Variants in SLC35F1 observed in about 807,000 individuals in gnomAD.
SLC35F1 encodes the protein solute carrier family 35 member F1.
SLC35F1 carries 14 observed loss-of-function variants against 48.7 expected under a neutral mutation model. That is an observed-to-expected ratio of 0.29 (90% confidence interval 0.19 to 0.45). SLC35F1 has a LOEUF of 0.45. Among genes scored for constraint, SLC35F1 ranks in the 20% least tolerant of loss-of-function variants. The pLI, the probability that SLC35F1 is intolerant of heterozygous loss-of-function variation, is 1.00. For synonymous variants in SLC35F1, 190 were observed against 202.2 expected, an observed-to-expected ratio of 0.94 and a Z score of 0.51; for missense variants, 404 against 500.0, an observed-to-expected ratio of 0.81 and a Z score of 1.83.
Position 118,316,636 on chromosome 6 carries a change from G to A in SLC35F1, c.*2384G>A, listed in dbSNP as rs1474304145. The A allele has an allele frequency of 6.6e-6, 1 of 152,580 alleles. No individual in the cohort carries two copies. Among genetic ancestry groups the A allele is most frequent in the Admixed American group, 6.5e-5 (1 of 15,286 alleles). 9.5% of individuals were successfully genotyped at this position (152,580 alleles called of 1,614,324 possible). ...TATCTCCAAGTCCACTCAGTAGACT[G>A]GAGTTTTTTAAAAATATAAATTTCC... is the stretch of plus-strand genomic sequence containing the variant. On this transcript the variant is annotated 3_prime_UTR_variant, in exon 8 of 8. Transcript: ENST00000360388.
intron 1 of SLC35F1, among the ~76,000 whole-genome samples, chr6:118,142,727 T>A (rs1773909196): frequency 6.6e-6 from 1 of 152,162 alleles, no homozygotes; most frequent in Non-Finnish European, 1.5e-5. Flanking sequence ...AAAATTGGAT[T>A]TCGATGTAAT....
At chr6:117,995,707 C>G (rs1674208318) in intron 1 of SLC35F1, among the ~76,000 whole-genome samples, 1 of 151,880 alleles carries the variant, frequency 6.6e-6, no homozygotes, top group Non-Finnish European at 1.5e-5. Flanking sequence ...CACCACTGCA[C>G]TCCAGCCTGG....
chr6:117,970,183 C>G (rs977788957), intron 1 of SLC35F1, among the ~76,000 whole-genome samples: 4 of 152,138 alleles, frequency 2.6e-5, no homozygotes, highest in South Asian at 2.1e-4. Flanking sequence ...GTGACTCTGC[C>G]AACTGCAGTG....
chr6:118,170,356 GTT>G (rs1416896936), intron 2 of SLC35F1, among the ~76,000 whole-genome samples: 2 of 152,186 alleles, frequency 1.3e-5, no homozygotes, highest in African/African-American at 4.8e-5. Flanking sequence ...TTGCTAATAT[GTT>G]TATATGCTAA....
At chr6:117,998,933 C>G (rs1777041917) in intron 1 of SLC35F1, 4 of 796,070 alleles carry the variant, frequency 5.0e-6, no homozygotes, top group Non-Finnish European at 6.7e-6. Flanking sequence ...ATCAGCTCTT[C>G]CGGTTCTAGG....
chr6:118,182,171 A>G (rs1490856884), intron 2 of SLC35F1, among the ~76,000 whole-genome samples: 1 of 152,090 alleles, frequency 6.6e-6, no homozygotes, highest in Non-Finnish European at 1.5e-5. Flanking sequence ...AATTCAAGGT[A>G]TTAGTAAACT....
chr6:118,087,937 C>T (rs966249919), intron 1 of SLC35F1, among the ~76,000 whole-genome samples: 1 of 152,156 alleles, frequency 6.6e-6, no homozygotes, highest in African/African-American at 2.4e-5. Context: ...GACCCAGAAA[C>T]TGCTCAAGAA....
At chr6:118,097,922 C>T (rs1773201747) in intron 1 of SLC35F1, among the ~76,000 whole-genome samples, 1 of 152,112 alleles carries the variant, frequency 6.6e-6, no homozygotes, top group Non-Finnish European at 1.5e-5. Context: ...AGATTTATTT[C>T]TTAAGCAGTA....
chr6:118,039,663 T>A (rs1772183067), intron 1 of SLC35F1, among the ~76,000 whole-genome samples: 1 of 152,006 alleles, frequency 6.6e-6, no homozygotes, highest in Non-Finnish European at 1.5e-5. Context: ...TGCATTGTAT[T>A]TTTTTAGTTT....
intron 1 of SLC35F1, among the ~76,000 whole-genome samples, chr6:117,981,933 G>A (rs1028296422): frequency 6.6e-6 from 1 of 151,854 alleles, no homozygotes; most frequent in African/African-American, 2.4e-5. Flanking sequence ...AGACTCCATG[G>A]TGCCTCTGCT....
intron 1 of SLC35F1, among the ~76,000 whole-genome samples, chr6:118,123,988 G>C (rs1773589286): frequency 6.6e-6 from 1 of 152,132 alleles, no homozygotes; most frequent in Non-Finnish European, 1.5e-5. Context: ...TTCCACAAAT[G>C]CATCTTCAGC....
At chr6:118,025,141 T>A (rs1777446232) in intron 1 of SLC35F1, among the ~76,000 whole-genome samples, 1 of 152,216 alleles carries the variant, frequency 6.6e-6, no homozygotes, top group Admixed American at 6.5e-5. Context: ...TCCCTTTTTC[T>A]GTTTCAGAGT....
intron 1 of SLC35F1, among the ~76,000 whole-genome samples, chr6:118,044,014 C>G (rs1411096533): frequency 1.3e-5 from 2 of 152,170 alleles, no homozygotes; most frequent in East Asian, 1.9e-4. Flanking sequence ...CAACAAATCT[C>G]TTGATTGAGT....
intron 1 of SLC35F1, among the ~76,000 whole-genome samples, chr6:117,971,075 G>T (rs750654449): frequency 6.6e-6 from 1 of 151,964 alleles, no homozygotes; most frequent in Non-Finnish European, 1.5e-5. Context: ...CTCCACCTAC[G>T]CGCCTGTAAA....
chr6:118,194,954 G>A (rs1471271085), intron 2 of SLC35F1, among the ~76,000 whole-genome samples: 1 of 152,024 alleles, frequency 6.6e-6, no homozygotes, highest in Non-Finnish European at 1.5e-5. Context: ...TTTGTAAGAT[G>A]CTGTCCAAGG....
chr6:118,220,587 A>G (rs1404940815), intron 2 of SLC35F1, among the ~76,000 whole-genome samples: 2 of 152,178 alleles, frequency 1.3e-5, no homozygotes, highest in East Asian at 3.9e-4. Flanking sequence ...AGTCTCTGAG[A>G]GGCTTTTAAA....
chr6:118,117,211 A>C (rs1773487057), intron 1 of SLC35F1, among the ~76,000 whole-genome samples: 1 of 152,172 alleles, frequency 6.6e-6, no homozygotes, highest in African/African-American at 2.4e-5. Flanking sequence ...CCCTATTTGC[A>C]TATATTGGAT....
chr6:118,032,884 C>CG (rs1772074758), intron 1 of SLC35F1, among the ~76,000 whole-genome samples: 1 of 152,098 alleles, frequency 6.6e-6, no homozygotes, highest in Non-Finnish European at 1.5e-5. Flanking sequence ...TTTCCTTCAA[C>CG]TAAGTTCTTG....
At chr6:118,012,113 C>T (rs960400628) in intron 1 of SLC35F1, among the ~76,000 whole-genome samples, 6 of 151,834 alleles carry the variant, frequency 4.0e-5, no homozygotes, top group Admixed American at 2.6e-4. Context: ...GAAAAAAAAT[C>T]TTTTATATTA....
Sources: gnomAD v4.1 joint callset for allele counts (sites outside exome capture counted in the v4.1 genomes callset) on GRCh38, gnomAD v4.1.1 for gene constraint, MANE v1.5 for transcripts, NCBI Gene and HGNC (gene_info 2026-07-23, HGNC 2026-07-21) for gene names.